The following CARMIL3 variants were observed in gnomAD, a reference collection of about 807,000 sequenced individuals.
CARMIL3 encodes capping protein, Arp2/3 and myosin-I linker protein 3.
CARMIL3 carries 88 observed loss-of-function variants against 180.8 expected under a neutral mutation model. That is an observed-to-expected ratio of 0.49 (90% CI 0.41 to 0.58). The LOEUF is 0.58. Ranked by LOEUF, CARMIL3 falls within the 20% of genes least tolerant of loss-of-function variation. CARMIL3 has a pLI of 0.00. For synonymous variants in CARMIL3, 696 were observed against 714.5 expected, an observed-to-expected ratio of 0.97 and a Z score of 0.41; for missense variants, 1,548 against 1,787.0, an observed-to-expected ratio of 0.87 and a Z score of 2.41.
In CARMIL3 at chr14:24,054,807, C is replaced by A; in HGVS notation, c.459C>A (p.Cys153Ter). 6.2e-7 allele frequency: 1 copy of A among 1,613,338 alleles called. No homozygotes were observed. Among genetic ancestry groups the A allele is most frequent in the Non-Finnish European group, 8.5e-7 (1 of 1,179,436 alleles). The part of the protein sequence containing the change: ...ETSTSTTHSV[C>*]GGFSETYAAL... ...CCACATCTACCACCCACAGTGTCTG[C>A]GGTGAGCAGGGGCAGATGTGAGGAA... is the stretch of plus-strand genomic sequence containing the variant. Residue 153 changes from cysteine to a stop codon, truncating the protein, a stop_gained and splice_region_variant, in exon 6 of 40, where the codon TGC (cysteine) becomes TGA (stop). Coordinates refer to ENST00000342740, the MANE Select transcript of CARMIL3 (RefSeq NM_138360.4). LOFTEE classifies it high-confidence loss of function. This position sits in a 1 kb window ranked among gnomAD's most constrained non-coding sequence, Gnocchi z 5.1.
At position 24,053,729 on chromosome 14, in the gene CARMIL3, A is replaced by C. The variant is rs118132597; in HGVS notation, c.61A>C (p.Ser21Arg). 9,123 of 1,612,858 alleles carry C rather than the reference A, an allele frequency of 5.7e-3. 38 individuals are homozygous for C. The highest frequency in any genetic ancestry group is 9.0e-3 in the Admixed American group (536 of 59,864). ...ELQDSIRRCL[S>R]QGAVLQQHHV... ...CTCAGACAGCATCCGGAGGTGCCTG[A>C]GCCAAGGGGCCGTGCTCCAACAACA... The change falls in exon 2 of 40, where the codon AGC becomes CGC. Residue 21 changes from serine (S) to arginine (R), a missense_variant. Physicochemically the swap from Ser to Arg is moderately radical, Grantham distance 110. Around this residue, in one of 4 missense-constraint regions of CARMIL3, gnomAD observed 578 missense variants for 666.5 expected, o/e 0.87. Transcript: ENST00000342740.
In CARMIL3 at chr14:24,063,411, A is replaced by T. The variant is rs946163963; in HGVS notation, c.2857A>T (p.Thr953Ser). The T allele has an allele frequency of 6.2e-7, 1 of 1,613,734 alleles. No individual in the cohort carries two copies. The highest frequency in any genetic ancestry group is 1.3e-5 in the African/African-American group (1 of 74,950). ...WFSGLGGSQP[T>S]ASGSWEGLSE... ...CTCAGGACTTGGGGGCAGCCAGCCC[A>T]CAGCTAGTGGCTCCTGGGAAGGTCT... The change falls in exon 31 of 40, where the codon ACA becomes TCA. Residue 953 changes from threonine to serine, a missense_variant. By Grantham distance (58) the Thr-to-Ser change is moderately conservative. Transcript: ENST00000342740.
Position 24,060,052 on chromosome 14 carries a change from G to A in CARMIL3, c.1951G>A (p.Val651Ile), listed in dbSNP as rs762097756. The A allele has an allele frequency of 1.2e-5, 20 of 1,613,840 alleles. No homozygotes were observed. Among genetic ancestry groups the A allele is most frequent in the Admixed American group, 1.7e-5 (1 of 60,014 alleles). Reference protein sequence around the residue: ...YRSAPERTEDVWQKIQWCLVR... With the variant: ...YRSAPERTEDIWQKIQWCLVR... ...CAGCGCGCCTGAGCGCACCGAGGAC[G>A]TCTGGCAGAAGGTGCAGGGTGCTGT... Residue 651 changes from valine to isoleucine, a missense_variant, in exon 23 of 40, where the codon GTC becomes ATC. Coordinates refer to ENST00000342740, the MANE Select transcript of CARMIL3 (RefSeq NM_138360.4).
At chr14:24,057,411 C>T (rs994599695) in intron 14 of CARMIL3, among the ~76,000 whole-genome samples, 167 bp downstream of exon 14, 4 of 152,190 alleles carry the variant, frequency 2.6e-5, no homozygotes, top group African/African-American at 9.7e-5. Context: ...CTGTGTGGCA[C>T]TTTATCCAGG....
chr14:24,069,554 C>A lies in CARMIL3; in HGVS notation c.*150C>A. ...GGCATGGGGGAGCTGGAGGCAGGGA[C>A]TAGAACAGAGGGAGCCACCTGGAGA... On this transcript the variant is annotated 3_prime_UTR_variant, in exon 40 of 40. Transcript: ENST00000342740. The A allele has an allele frequency of 9.9e-7, 1 of 1,013,566 alleles. No individual in the cohort carries two copies. Among genetic ancestry groups the A allele is most frequent in the Non-Finnish European group, 1.4e-6 (1 of 695,250 alleles). 62.8% of individuals were successfully genotyped at this position (1,013,566 alleles called of 1,614,324 possible).
chr14:24,058,309 C>T lies in CARMIL3; in HGVS notation c.1392+85C>T, dbSNP rs367728819. 2.1e-6 allele frequency: 3 copies of T among 1,449,070 alleles called. No homozygotes were observed. The highest frequency in any genetic ancestry group is 1.7e-4 in the Middle Eastern group (1 of 5,724). 89.8% of individuals were successfully genotyped at this position (1,449,070 alleles called of 1,614,324 possible). On this transcript the variant is annotated intron_variant, in intron 17 of 39. Transcript: ENST00000342740. The surrounding 1 kb of genome is among the most constrained non-coding windows in gnomAD (Gnocchi z 6.4). ...TAAGTCAAACCCTGGCTCCATCTAG[C>T]CTCTGTGCTGACCCTCTGCGACCCC...
rs770341876 is a variant in CARMIL3 at position 24,055,199 on chromosome 14, A to T, written c.532-38A>T. ...CCTGGAGGGAAGGGGCTAAGAAGGA[A>T]GTGGGGAGCAGGTGTGAGCCAGTTC... On this transcript the variant is annotated intron_variant, in intron 7 of 39. Coordinates refer to ENST00000342740, the MANE Select transcript of CARMIL3 (RefSeq NM_138360.4). 8 of 1,613,966 alleles carry T rather than the reference A, an allele frequency of 5.0e-6. No homozygotes were observed. The South Asian group carries it at 8.8e-5, about 18-fold the overall frequency.
chr14:24,063,020 C>A (rs1448188788), intron 29 of CARMIL3, 100 bp from the exon 30 acceptor site: 3 of 1,554,482 alleles, frequency 1.9e-6, no homozygotes, highest in Non-Finnish European at 2.6e-6. Context: ...CCTCAGCCCC[C>A]TGAGGAGCGA....
chr14:24,068,593 G>A lies in CARMIL3; in HGVS notation c.3692G>A (p.Ser1231Asn), dbSNP rs1426648107. Reference sequence around the variant, plus strand: ...TCTCTCTCATCCCCAGCTGAAGAGAGTGCCCCCAACCACAGCTGCCAGAGT... The same window carrying A: ...TCTCTCTCATCCCCAGCTGAAGAGAATGCCCCCAACCACAGCTGCCAGAGT... ...AEATWHIAEE[S>N]APNHSCQSPS... The change falls in exon 37 of 40, where the codon AGT becomes AAT. Residue 1231 changes from serine to asparagine, a missense_variant. Ser to Asn is a conservative substitution (Grantham distance 46, BLOSUM62 1). Around this residue, in one of 4 missense-constraint regions of CARMIL3, gnomAD observed 668 missense variants for 687.8 expected, o/e 0.97. Coordinates refer to ENST00000342740, the MANE Select transcript of CARMIL3 (RefSeq NM_138360.4). 15 of 1,611,910 alleles carry A rather than the reference G, an allele frequency of 9.3e-6. No individual in the cohort carries two copies. The highest frequency in any genetic ancestry group is 1.3e-5 in the Non-Finnish European group (15 of 1,178,870).
In CARMIL3 at chr14:24,068,606, C is replaced by T. The variant is rs372930785; in HGVS notation, c.3705C>T (p.His1235=). Residue 1235 remains histidine (H), a synonymous_variant, in exon 37 of 40, where the codon CAC becomes CAT. Coordinates refer to ENST00000342740, the MANE Select transcript of CARMIL3 (RefSeq NM_138360.4). ...CAGCTGAAGAGAGTGCCCCCAACCA[C>T]AGCTGCCAGAGTCCCAGCCCAGCCT... ...WHIAEESAPN[H]SCQSPSPASQ... is the part of the protein sequence containing the mutation. 7 of 1,613,362 alleles carry T rather than the reference C, an allele frequency of 4.3e-6. No homozygotes were observed. The East Asian group carries it at 1.3e-4, about 31-fold the overall frequency.
At position 24,060,962 on chromosome 14, in the gene CARMIL3, G is replaced by A; in HGVS notation, c.2226G>A (p.Leu742=). ...FPSLYELGHV[L]ANDGPVRQRL... ...GCCTCTATGAGCTGGGCCACGTGCTGGCCAATGATGGGCCTGTGCGGCAGA... is the reference window on the plus strand; with the variant it reads ...GCCTCTATGAGCTGGGCCACGTGCTAGCCAATGATGGGCCTGTGCGGCAGA... Residue 742 remains leucine (L), a synonymous_variant, in exon 26 of 40, where the codon CTG becomes CTA. Transcript: ENST00000342740. 15 of 1,551,738 alleles carry A rather than the reference G, an allele frequency of 9.7e-6. No homozygotes were observed. Among genetic ancestry groups the A allele is most frequent in the Non-Finnish European group, 1.1e-5 (13 of 1,146,994 alleles).
intron 13 of CARMIL3, 32 bp from the exon 14 acceptor site, chr14:24,057,135 T>C (rs772551038): frequency 6.2e-7 from 1 of 1,609,350 alleles, no homozygotes; most frequent in South Asian, 1.1e-5. Flanking sequence ...CATCATCCCT[T>C]CCCCTGCAAC....
Position 24,062,193 on chromosome 14 carries a change from A to G in CARMIL3, c.2481-287A>G, listed in dbSNP as rs141662652. The G allele has an allele frequency of 2.1e-4, 110 of 531,546 alleles. 1 individual carries two copies. The highest frequency in any genetic ancestry group is 9.5e-5 in the Non-Finnish European group (28 of 294,618). 32.9% of individuals were successfully genotyped at this position (531,546 alleles called of 1,614,324 possible). A position where few individuals can be genotyped will look rare whatever the true frequency, so the allele number is the denominator to read the frequency against. Reference sequence around the variant, plus strand: ...CACCCCAATTACCTAGCTCTGTTCCACTGGGGCTCCAGGGGCCTGACCTAG... The same window carrying G: ...CACCCCAATTACCTAGCTCTGTTCCGCTGGGGCTCCAGGGGCCTGACCTAG... On this transcript the variant is annotated intron_variant, in intron 27 of 39. Transcript: ENST00000342740.
rs761904812 is a variant in CARMIL3, at chr14:24,059,015, C to G, written c.1571+29C>G. 6.2e-7 allele frequency: 1 copy of G among 1,611,628 alleles called. No individual in the cohort carries two copies. Among genetic ancestry groups the G allele is most frequent in the Non-Finnish European group, 8.5e-7 (1 of 1,178,646 alleles). On this transcript the variant is annotated intron_variant, in intron 19 of 39. Transcript: ENST00000342740. This position sits in a 1 kb window ranked among gnomAD's most constrained non-coding sequence, Gnocchi z 6.3. ...AGGCCCCCTTTCCATGCCCACAGAC[C>G]CTCATCCCATCATTCACCCATCCTC... is the stretch of plus-strand genomic sequence containing the variant.
At position 24,057,587 on chromosome 14, in the gene CARMIL3, A is replaced by T. The variant is rs192083710; in HGVS notation, c.1141-216A>T. On this transcript the variant is annotated intron_variant, in intron 14 of 39. Coordinates refer to ENST00000342740, the MANE Select transcript of CARMIL3 (RefSeq NM_138360.4). ...ACATCCACTGCCTGTGAGCAGCTTCATGCCCCTGGAAGCCAGGCAGGGAGT... is the reference window on the plus strand; with the variant it reads ...ACATCCACTGCCTGTGAGCAGCTTCTTGCCCCTGGAAGCCAGGCAGGGAGT... 9.9e-5 allele frequency among the ~76,000 whole-genome samples: 15 copies of T among 152,208 alleles called. No individual in the cohort carries two copies. The East Asian group carries it at 2.9e-3, about 29-fold the overall frequency.
chr14:24,068,300 G>A (rs921932757), intron 36 of CARMIL3, among the ~76,000 whole-genome samples: 2 of 151,454 alleles, frequency 1.3e-5, no homozygotes. Flanking sequence ...GGGAGGCTGA[G>A]ACAGGAGAAT....
chr14:24,057,305 C>T lies in CARMIL3; in HGVS notation c.1140+61C>T, dbSNP rs989810809. ...ATTTGGGGAAGACCACAGTGGGCCTCGGTCTCACCCCCTATCCCTGAGTAC... is the reference window on the plus strand; with the variant it reads ...ATTTGGGGAAGACCACAGTGGGCCTTGGTCTCACCCCCTATCCCTGAGTAC... On this transcript the variant is annotated intron_variant, in intron 14 of 39. Coordinates refer to ENST00000342740, the MANE Select transcript of CARMIL3 (RefSeq NM_138360.4). 8 of 1,469,362 alleles carry T rather than the reference C, an allele frequency of 5.4e-6. No individual in the cohort carries two copies. The East Asian group carries it at 1.6e-4, about 30-fold the overall frequency. 91.0% of individuals were successfully genotyped at this position (1,469,362 alleles called of 1,614,324 possible).
chr14:24,064,876 G>A (rs2138783742), intron 32 of CARMIL3, 82 bp from the exon 33 acceptor site: 1 of 1,422,278 alleles, frequency 7.0e-7, no homozygotes, highest in East Asian at 2.3e-5. Context: ...GGGGAGACCA[G>A]ATGAGAGGAA....
In CARMIL3 at chr14:24,059,610, C is replaced by T; in HGVS notation, c.1800-54C>T. 1.9e-6 allele frequency: 3 copies of T among 1,601,204 alleles called. No homozygotes were observed. Among genetic ancestry groups the T allele is most frequent in the East Asian group, 2.2e-5 (1 of 44,656 alleles). ...CCCCAAGAGGTTTGTGTCCCTGGCC[C>T]CTAGTAGGGACCCAGGAGGAGAGGT... On this transcript the variant is annotated intron_variant, in intron 21 of 39. Transcript: ENST00000342740. The surrounding 1 kb of genome is among the most constrained non-coding windows in gnomAD (Gnocchi z 6.3).
Sources: allele counts gnomAD v4.1 joint callset (sites outside exome capture counted in the v4.1 genomes callset), GRCh38; gene constraint gnomAD v4.1.1; regional missense constraint gnomAD v4.1.1; non-coding constraint Gnocchi (gnomAD v3.1); transcripts MANE v1.5; gene names NCBI Gene and HGNC (gene_info 2026-07-23, HGNC 2026-07-21).